Variants in CNTNAP2 observed in about 807,000 individuals in gnomAD.
CNTNAP2 encodes the protein contactin associated protein 2.
A neutral mutation model predicts 155.2 loss-of-function variants in CNTNAP2; 98 were observed. The ratio of observed to expected loss-of-function variants is 0.63; its 90% CI spans 0.54 to 0.75. The LOEUF is 0.75. Among genes scored for constraint, CNTNAP2 ranks in the 30% least tolerant of loss-of-function variants. The pLI is 0.00. For synonymous variants in CNTNAP2, 651 were observed against 631.2 expected (o/e 1.03, Z -0.47); for missense variants, 1,727 against 1,688.1 (o/e 1.02, Z -0.40).
intron 13 of CNTNAP2, among the ~76,000 whole-genome samples, chr7:147,823,449 G>A (rs765591262): frequency 3.3e-5 from 5 of 152,152 alleles, no homozygotes; most frequent in South Asian, 2.1e-4. Flanking sequence ...ACCACACTTC[G>A]TATATCAGCA....
intron 9 of CNTNAP2, among the ~76,000 whole-genome samples, chr7:147,326,881 G>A (rs1795470441): frequency 6.6e-6 from 1 of 152,140 alleles, no homozygotes; most frequent in Admixed American, 6.5e-5. Context: ...AGTTCTTTGA[G>A]GGTAGGAAGT....
chr7:147,388,407 G>C (rs1788114028), intron 9 of CNTNAP2, among the ~76,000 whole-genome samples: 1 of 152,160 alleles, frequency 6.6e-6, no homozygotes. Context: ...ATTGCTTTGA[G>C]AGTGACCCTG....
chr7:147,472,201 T>C (rs1162233269), intron 10 of CNTNAP2, among the ~76,000 whole-genome samples: 5 of 130,660 alleles, frequency 3.8e-5, no homozygotes, highest in Admixed American at 2.0e-4. Context: ...TTTTCTTTTT[T>C]TCCTTTTTTT....
At chr7:146,530,328 T>C (rs1797751738) in intron 1 of CNTNAP2, among the ~76,000 whole-genome samples, 2 of 152,134 alleles carry the variant, frequency 1.3e-5, no homozygotes, top group South Asian at 4.1e-4. Flanking sequence ...TGGCAAAGAT[T>C]TCATGATGGT....
intron 3 of CNTNAP2, among the ~76,000 whole-genome samples, chr7:146,853,399 ACACT>A (rs1314076157): frequency 6.6e-6 from 1 of 152,154 alleles, no homozygotes; most frequent in Non-Finnish European, 1.5e-5. Context: ...ATGTACACAC[ACACT>A]CTCTCAACTC....
intron 1 of CNTNAP2, among the ~76,000 whole-genome samples, chr7:146,202,647 A>G (rs1798883429): frequency 6.6e-6 from 1 of 152,162 alleles, no homozygotes; most frequent in Non-Finnish European, 1.5e-5. Flanking sequence ...TAAAATGTCT[A>G]CTAGATGAAA....
chr7:147,612,770 C>T (rs113335702), intron 12 of CNTNAP2, among the ~76,000 whole-genome samples: 1 of 152,110 alleles, frequency 6.6e-6, no homozygotes, highest in African/African-American at 2.4e-5. Context: ...TATCTGTGTT[C>T]TTAAACTTTA....
At chr7:147,128,234 G>A (rs1368729894) in intron 6 of CNTNAP2, among the ~76,000 whole-genome samples, 1 of 152,092 alleles carries the variant, frequency 6.6e-6, no homozygotes, top group Non-Finnish European at 1.5e-5. Context: ...AGTCTGCATA[G>A]GGTAAATACG....
chr7:147,634,807 T>C (rs1272879929), intron 12 of CNTNAP2, among the ~76,000 whole-genome samples: 1 of 152,172 alleles, frequency 6.6e-6, no homozygotes, highest in African/African-American at 2.4e-5. Flanking sequence ...CAACAGTTGC[T>C]TGTTTTCCTT....
In CNTNAP2 at chr7:148,026,147, A is replaced by C. The variant is rs34395632; in HGVS notation, c.2383+48158A>C. On this transcript the variant is annotated intron_variant, in intron 15 of 23. Coordinates refer to ENST00000361727, the MANE Select transcript of CNTNAP2 (RefSeq NM_014141.6). ...AGCTTACCCCCAAAAGTAAAGAAAA[A>C]GTGTACTTTAAAAAATACTAGCCAG... 2.7e-3 allele frequency among the ~76,000 whole-genome samples: 417 copies of C among 152,088 alleles called. 4 individuals carry two copies. Among genetic ancestry groups the C allele is most frequent in the African/African-American group, 9.6e-3 (398 of 41,528 alleles).
intron 3 of CNTNAP2, among the ~76,000 whole-genome samples, chr7:146,922,430 C>T (rs917999169): frequency 1.3e-5 from 2 of 151,980 alleles, no homozygotes; most frequent in African/African-American, 4.8e-5. Flanking sequence ...ATGTCCTGAA[C>T]GTAGTGGTGA....
At chr7:146,825,118 C>T (rs766939796) in intron 2 of CNTNAP2, among the ~76,000 whole-genome samples, 1 of 151,988 alleles carries the variant, frequency 6.6e-6, no homozygotes, top group Non-Finnish European at 1.5e-5. Flanking sequence ...TGTTGTTTCT[C>T]ATTCAGAGCC....
intron 1 of CNTNAP2, among the ~76,000 whole-genome samples, chr7:146,733,957 A>C (rs999082070): frequency 2.0e-5 from 3 of 152,030 alleles, no homozygotes; most frequent in South Asian, 2.1e-4. Flanking sequence ...CCCTCTCTTC[A>C]TTTAGCATTT....
chr7:147,622,786 A>G (rs1794890199), intron 12 of CNTNAP2, among the ~76,000 whole-genome samples: 2 of 152,082 alleles, frequency 1.3e-5, no homozygotes, highest in African/African-American at 4.8e-5. Context: ...AGATCAGAGC[A>G]TAAATAAATA....
chr7:148,138,561 G>A (rs1015112650), intron 16 of CNTNAP2, among the ~76,000 whole-genome samples: 7 of 152,070 alleles, frequency 4.6e-5, no homozygotes, highest in African/African-American at 7.2e-5. Flanking sequence ...GAATATGGTC[G>A]GAAGAAACAC....
At chr7:147,348,375 C>CA (rs60230891) in intron 9 of CNTNAP2, among the ~76,000 whole-genome samples, 33 of 148,690 alleles carry the variant, frequency 2.2e-4, no homozygotes, top group East Asian at 3.9e-4. Context: ...ATACAAATAG[C>CA]AAAAAAAAAA....
intron 1 of CNTNAP2, among the ~76,000 whole-genome samples, chr7:146,148,076 C>A (rs1223285328): frequency 2.6e-5 from 4 of 151,938 alleles, no homozygotes; most frequent in Admixed American, 2.6e-4. Context: ...TTTAAAGATA[C>A]CAAATTTGTT....
intron 1 of CNTNAP2, among the ~76,000 whole-genome samples, chr7:146,156,881 C>T (rs1324001772): frequency 6.6e-6 from 1 of 152,210 alleles, no homozygotes; most frequent in Non-Finnish European, 1.5e-5. Flanking sequence ...GGATTACAGG[C>T]ATCAGCCACT....
In CNTNAP2 at chr7:146,975,124, A is replaced by G. The variant is rs115642459; in HGVS notation, c.403-68783A>G. Among the ~76,000 whole-genome samples the G allele has an allele frequency of 3.1e-3, 467 of 152,240 alleles. 2 individuals are homozygous for G. The highest frequency in any genetic ancestry group is 0.011 in the African/African-American group (451 of 41,554). On this transcript the variant is annotated intron_variant, in intron 3 of 23. Transcript: ENST00000361727. ...ACATATTTTGGGTGATATCTGAAAA[A>G]TGGACTCTGAAGGGAGCACAAGGAG...
Sources: allele counts gnomAD v4.1 joint callset (sites outside exome capture counted in the v4.1 genomes callset), GRCh38; gene constraint gnomAD v4.1.1; transcripts MANE v1.5; gene names NCBI Gene and HGNC (gene_info 2026-07-23, HGNC 2026-07-21).